Variants in SH3RF3 observed in about 807,000 individuals in gnomAD.
SH3RF3 encodes SH3 domain containing ring finger 3.
SH3RF3 carries 29 observed loss-of-function variants against 66.3 expected under a neutral mutation model. That is an observed-to-expected ratio of 0.44 (90% CI 0.33 to 0.60). The LOEUF (loss-of-function observed/expected upper bound fraction) is 0.60. Among genes scored for constraint, SH3RF3 ranks in the 20% least tolerant of loss-of-function variants. SH3RF3 has a pLI of 0.04. For synonymous variants in SH3RF3, 583 were observed against 532.0 expected (o/e 1.10, Z -1.32); for missense variants, 1,194 against 1,190.9 (o/e 1.00, Z -0.04).
rs540214066 is a variant in SH3RF3, at chr2:109,386,124, C to T, written c.946-12466C>T. The stretch of plus-strand genomic sequence containing the variant: ...CTGGAAGCTAAGGAACGTGCATAGA[C>T]CTTGAAAGAGAGGGTCAAGGCTGCA... On this transcript the variant is annotated intron_variant, in intron 3 of 9. Coordinates refer to ENST00000309415, the MANE Select transcript of SH3RF3 (RefSeq NM_001099289.3). 2.0e-5 allele frequency among the ~76,000 whole-genome samples: 3 copies of T among 152,302 alleles called. No homozygotes were observed. In the South Asian group the frequency reaches 6.2e-4, roughly 32 times the overall value.
chr2:109,161,663 G>A (rs966684539), intron 1 of SH3RF3, among the ~76,000 whole-genome samples: 2 of 151,912 alleles, frequency 1.3e-5, no homozygotes, highest in African/African-American at 2.4e-5. Context: ...TGTGGAAGGC[G>A]AAGGGGAGCT....
chr2:109,374,483 T>A lies in SH3RF3; in HGVS notation c.945+2802T>A, dbSNP rs117571305. ...AAGTCCTGGTTTGGCCCAAACTGCT[T>A]CCCTCTGGGAGGCCGCACAGGCATT... On this transcript the variant is annotated intron_variant, in intron 3 of 9. Transcript: ENST00000309415. Among the ~76,000 whole-genome samples, 968 of 152,286 alleles carry A rather than the reference T, an allele frequency of 6.4e-3. 10 individuals carry two copies. Among genetic ancestry groups the A allele is most frequent in the East Asian group, 0.049 (251 of 5,166 alleles).
intron 3 of SH3RF3, among the ~76,000 whole-genome samples, chr2:109,384,240 C>G (rs758651488): frequency 1.3e-5 from 2 of 151,998 alleles, no homozygotes; most frequent in African/African-American, 2.4e-5. Flanking sequence ...CAGAGGAGAA[C>G]CCTGGAGACC....
chr2:109,277,351 T>C (rs559017534), intron 1 of SH3RF3, among the ~76,000 whole-genome samples: 1 of 152,318 alleles, frequency 6.6e-6, no homozygotes, highest in South Asian at 2.1e-4. Flanking sequence ...TTTCTCAGTG[T>C]CATTTCATTT....
At chr2:109,301,513 C>CA (rs1200252839) in intron 1 of SH3RF3, among the ~76,000 whole-genome samples, 4 of 152,144 alleles carry the variant, frequency 2.6e-5, no homozygotes. Context: ...AGAGTGACAG[C>CA]ACAGGGCATG....
chr2:109,174,479 C>T lies in SH3RF3; in HGVS notation c.573+44366C>T, dbSNP rs552610357. On this transcript the variant is annotated intron_variant, in intron 1 of 9. Transcript: ENST00000309415. ...TGATCAGAGTAGGCACCAGGCCACA[C>T]TCACTTGGCTGCTGCCAGGCCCAGC... 4.6e-5 allele frequency among the ~76,000 whole-genome samples: 7 copies of T among 152,336 alleles called. No homozygotes were observed. The East Asian group carries it at 1.2e-3, about 25-fold the overall frequency.
chr2:109,264,350 C>T (rs906942552), intron 1 of SH3RF3, among the ~76,000 whole-genome samples: 7 of 137,588 alleles, frequency 5.1e-5, no homozygotes, highest in African/African-American at 1.4e-4. Context: ...GGATCCACTC[C>T]GAGTCTGTGG....
At chr2:109,317,307 A>G (rs1007612563) in intron 1 of SH3RF3, among the ~76,000 whole-genome samples, 1 of 152,126 alleles carries the variant, frequency 6.6e-6, no homozygotes, top group Non-Finnish European at 1.5e-5. Flanking sequence ...GGCGACAGCA[A>G]TGCCTGTCCC....
intron 9 of SH3RF3, among the ~76,000 whole-genome samples, chr2:109,500,445 A>C (rs546233454): frequency 7.4e-4 from 112 of 152,252 alleles, no homozygotes; most frequent in African/African-American, 2.6e-3. Context: ...GGAAGACCCC[A>C]GGGAAGGCTC....
intron 1 of SH3RF3, among the ~76,000 whole-genome samples, chr2:109,265,705 T>G (rs1680473851): frequency 6.6e-6 from 1 of 152,228 alleles, no homozygotes; most frequent in Non-Finnish European, 1.5e-5. Context: ...CTGATTATAG[T>G]CAGAAACTCT....
At chr2:109,321,286 C>T (rs1482012785) in intron 1 of SH3RF3, among the ~76,000 whole-genome samples, 1 of 152,204 alleles carries the variant, frequency 6.6e-6, no homozygotes, top group Non-Finnish European at 1.5e-5. Flanking sequence ...CCTTTATTGT[C>T]TTGCCACTTA....
intron 1 of SH3RF3, among the ~76,000 whole-genome samples, chr2:109,170,533 A>G (rs910791616): frequency 6.6e-6 from 1 of 151,852 alleles, no homozygotes; most frequent in Admixed American, 6.6e-5. Flanking sequence ...TTTAGTAGAG[A>G]TGGGGTTTCA....
At chr2:109,335,258 C>G (rs960068136) in intron 1 of SH3RF3, among the ~76,000 whole-genome samples, 2 of 152,238 alleles carry the variant, frequency 1.3e-5, no homozygotes, top group African/African-American at 4.8e-5. Context: ...CTCGCCCGTC[C>G]CACACGAGAA....
intron 1 of SH3RF3, among the ~76,000 whole-genome samples, chr2:109,263,215 C>T (rs764518899): frequency 1.1e-4 from 16 of 152,124 alleles, no homozygotes; most frequent in South Asian, 2.1e-4. Flanking sequence ...TATAATGACC[C>T]GGCTGTCTTT....
chr2:109,316,410 C>G (rs1016626347), intron 1 of SH3RF3, among the ~76,000 whole-genome samples: 1 of 152,202 alleles, frequency 6.6e-6, no homozygotes, highest in African/African-American at 2.4e-5. Flanking sequence ...CTCTGGCTTC[C>G]TGTCTATCAC....
At chr2:109,154,724 G>C (rs10184504) in intron 1 of SH3RF3, among the ~76,000 whole-genome samples, 1,662 of 152,308 alleles carry the variant, frequency 0.011, 36 homozygotes, top group African/African-American at 0.038. Context: ...AAGGTCTGTG[G>C]GGGGTGATGG....
chr2:109,289,211 A>G (rs1026189057), intron 1 of SH3RF3, among the ~76,000 whole-genome samples: 1 of 152,082 alleles, frequency 6.6e-6, no homozygotes, highest in South Asian at 2.1e-4. Flanking sequence ...CTGTCATATG[A>G]CTTGGACTGC....
intron 1 of SH3RF3, among the ~76,000 whole-genome samples, chr2:109,299,614 G>A (rs943178324): frequency 9.9e-5 from 15 of 152,138 alleles, no homozygotes; most frequent in Admixed American, 7.2e-4. Flanking sequence ...CCTTGCATGA[G>A]CTCACAGGAA....
In SH3RF3 at chr2:109,442,293, G is replaced by A. The variant is rs187436409; in HGVS notation, c.1828+5147G>A. Among the ~76,000 whole-genome samples, 6 of 148,660 alleles carry A rather than the reference G, an allele frequency of 4.0e-5. No individual in the cohort carries two copies. In the East Asian group the frequency reaches 7.8e-4, roughly 19 times the overall value. On this transcript the variant is annotated intron_variant, in intron 7 of 9. Transcript: ENST00000309415. ...GCCACTGCACTCCAGCCTGGGCAAC[G>A]GAGTGAGACTCCACCTCAAAAAAAA...
Sources: allele counts gnomAD v4.1 joint callset (sites outside exome capture counted in the v4.1 genomes callset), GRCh38; gene constraint gnomAD v4.1.1; transcripts MANE v1.5; gene names NCBI Gene and HGNC (gene_info 2026-07-23, HGNC 2026-07-21).